GET4: variants seen among roughly 807,000 people sequenced by gnomAD.
GET4 encodes the protein Golgi to ER traffic protein 4 homolog.
A neutral mutation model predicts 40.0 loss-of-function variants in GET4; 20 were observed. The observed-to-expected ratio is 0.50, with a 90% CI of 0.35 to 0.73. The LOEUF is 0.73. GET4 is among the 30% of genes least tolerant of loss of function. GET4 has a pLI of 0.01. For synonymous variants in GET4, 280 were observed against 194.6 expected (o/e 1.44, Z -3.65); for missense variants, 557 against 454.0 (o/e 1.23, Z -2.06).
Position 895,762 on chromosome 7 carries a change from C to CG in GET4, c.*346dup, listed in dbSNP as rs1554268982. Reference sequence around the variant, plus strand: ...ATGGGCAGCACAGGAGGCCCGTCCTCGGGGGGCTGCGCACATCACGCTCCT... The same window carrying CG: ...ATGGGCAGCACAGGAGGCCCGTCCTCGGGGGGGCTGCGCACATCACGCTCCT... On this transcript the variant is annotated 3_prime_UTR_variant, in exon 9 of 9. Transcript: ENST00000265857. 4 of 178,306 alleles carry CG rather than the reference C, an allele frequency of 2.2e-5. No individual in the cohort carries two copies. Among genetic ancestry groups the CG allele is most frequent in the Middle Eastern group, 2.3e-3 (1 of 444 alleles). The allele number at this position is 178,306 out of a possible 1,614,324, so 11.0% of individuals were successfully genotyped here. A position where few individuals can be genotyped will look rare whatever the true frequency, so the allele number is the denominator to read the frequency against.
chr7:887,160 G>A lies in GET4; in HGVS notation c.317-210G>A, dbSNP rs772742103. 2.4e-5 allele frequency: 17 copies of A among 719,486 alleles called. 1 individual carries two copies. Among genetic ancestry groups the A allele is most frequent in the Admixed American group, 1.2e-4 (6 of 50,090 alleles). The allele number at this position is 719,486 out of a possible 1,614,324, so 44.6% of individuals were successfully genotyped here. A position where few individuals can be genotyped will look rare whatever the true frequency, so the allele number is the denominator to read the frequency against. ...AGCCCCCGCCTCGGCCAGGGCGTCC[G>A]TCCTTCCTTCCTCGCTGTGCTCTGG... On this transcript the variant is annotated intron_variant, in intron 3 of 8. Coordinates refer to ENST00000265857, the MANE Select transcript of GET4 (RefSeq NM_015949.3).
At position 890,915 on chromosome 7, in the gene GET4, C is replaced by T. The variant is rs186136603; in HGVS notation, c.467-13C>T. 1.0e-5 allele frequency: 16 copies of T among 1,585,408 alleles called. No individual in the cohort carries two copies. The highest frequency in any genetic ancestry group is 2.2e-5 in the East Asian group (1 of 44,702). ...GTGAAATGTATTTACATTTTTCTGTCTTTCCTTTGCAGAACAAAACTATTG... is the reference window on the plus strand; with the variant it reads ...GTGAAATGTATTTACATTTTTCTGTTTTTCCTTTGCAGAACAAAACTATTG... On this transcript the variant is annotated splice_polypyrimidine_tract_variant and intron_variant, in intron 4 of 8. Transcript: ENST00000265857.
intron 6 of GET4, among the ~76,000 whole-genome samples, chr7:893,422 G>A (rs1241210996): frequency 1.5e-5 from 2 of 134,590 alleles, no homozygotes; most frequent in Non-Finnish European, 3.1e-5. Context: ...GTGTGCAGGT[G>A]AGTGTTGGGT....
chr7:895,431 G>A lies in GET4; in HGVS notation c.*9G>A, dbSNP rs768765598. ...CCATCGAGCTGGACTGAACTGGCCA[G>A]GCCACGTGGAGACACCACGGTCGAC... On this transcript the variant is annotated 3_prime_UTR_variant, in exon 9 of 9. Transcript: ENST00000265857. 86 of 1,476,646 alleles carry A rather than the reference G, an allele frequency of 5.8e-5. No individual in the cohort carries two copies. The highest frequency in any genetic ancestry group is 8.0e-5 in the Non-Finnish European group (85 of 1,059,586). The allele number at this position is 1,476,646 out of a possible 1,614,324, so 91.5% of individuals were successfully genotyped here.
At chr7:882,668 T>A (rs952879510) in intron 1 of GET4, 1 of 152,164 alleles carries the variant, frequency 6.6e-6, no homozygotes, top group Non-Finnish European at 1.5e-5. Flanking sequence ...GCGCGGGTTG[T>A]GGGCGGCCGA....
In GET4 at chr7:896,164, GTGA is replaced by G. The variant is rs1554269067; in HGVS notation, c.*747_*749del. On this transcript the variant is annotated 3_prime_UTR_variant, in exon 9 of 9. Coordinates refer to ENST00000265857, the MANE Select transcript of GET4 (RefSeq NM_015949.3). ...ATAACGCAATATTTATTTGTATTGG[GTGA>G]TGATTGATTCTTTCGACCTAACATT... 6.6e-6 allele frequency: 1 copy of G among 152,210 alleles called. No homozygotes were observed. The highest frequency in any genetic ancestry group is 2.4e-5 in the African/African-American group (1 of 41,424). The allele number at this position is 152,210 out of a possible 1,614,324, so 9.4% of individuals were successfully genotyped here.
intron 1 of GET4, 23 bp downstream of exon 1, chr7:876,823 G>A (rs1409616605): frequency 3.6e-5 from 41 of 1,136,072 alleles, no homozygotes; most frequent in East Asian, 4.5e-5. Context: ...GGCCCTCGCC[G>A]CAGCCCAGCG....
At chr7:891,871 A>C (rs914336610) in intron 5 of GET4, among the ~76,000 whole-genome samples, 1 of 152,230 alleles carries the variant, frequency 6.6e-6, no homozygotes, top group African/African-American at 2.4e-5. Flanking sequence ...TGGGGCACTG[A>C]GCCCTCCCTG....
At chr7:882,232 CT>C (rs1259498110) in intron 1 of GET4, 6 of 152,188 alleles carry the variant, frequency 3.9e-5, no homozygotes, top group Non-Finnish European at 7.3e-5. Context: ...GTTTTTAGTT[CT>C]TTTAAGAATT....
At chr7:886,204 C>T in intron 2 of GET4, 70 bp downstream of exon 2, 14 of 985,908 alleles carry the variant, frequency 1.4e-5, no homozygotes, top group Non-Finnish European at 2.0e-5. Context: ...GAATGACCTC[C>T]CACCTCCACT....
chr7:879,955 G>A (rs1208030023), intron 1 of GET4: 3 of 152,272 alleles, frequency 2.0e-5, no homozygotes, highest in Non-Finnish European at 4.4e-5. Flanking sequence ...CCCGTGGGTA[G>A]AGGGGCCAGC....
intron 8 of GET4, 86 bp downstream of exon 8, chr7:894,057 C>T (rs904463597): frequency 4.0e-6 from 3 of 745,572 alleles, no homozygotes; most frequent in Non-Finnish European, 6.4e-6. Context: ...CCAGTGCGGT[C>T]CTTCACGTGG....
chr7:886,772 T>G (rs1441505005), intron 3 of GET4, 122 bp downstream of exon 3: 1 of 707,000 alleles, frequency 1.4e-6, no homozygotes, highest in Admixed American at 2.2e-5. Flanking sequence ...GGGTGAACTC[T>G]GCTGCAGAGG....
intron 1 of GET4, chr7:882,350 A>T (rs1203698050): frequency 6.6e-6 from 1 of 152,298 alleles, no homozygotes; most frequent in Non-Finnish European, 1.5e-5. Context: ...GTTGAAGGTG[A>T]AGGAGAGGGA....
In GET4 at chr7:876,651, G is replaced by GGCT; in HGVS notation, c.8_9insTGC (p.Ala6dup). 7.9e-7 allele frequency: 1 copy of GGCT among 1,273,606 alleles called. No individual in the cohort carries two copies. Among genetic ancestry groups the GGCT allele is most frequent in the Non-Finnish European group, 1.0e-6 (1 of 1,003,100 alleles). The allele number at this position is 1,273,606 out of a possible 1,614,324, so 78.9% of individuals were successfully genotyped here. A position where few individuals can be genotyped will look rare whatever the true frequency, so the allele number is the denominator to read the frequency against. ...CTGCGCGGAGCGCCGGCCCGATGGC[G>GGCT]GCGGCGGCGGCGATGGCCGAGCAGG... On this transcript the variant is annotated inframe_insertion, in exon 1 of 9. Transcript: ENST00000265857.
chr7:892,217 C>T lies in GET4; in HGVS notation c.606-61C>T. Reference sequence around the variant, plus strand: ...GGGAAGGACATGTCGGAGGCCGGCGCCTGTGCGGGCAGAAGCTGTGTCCTC... The same window carrying T: ...GGGAAGGACATGTCGGAGGCCGGCGTCTGTGCGGGCAGAAGCTGTGTCCTC... On this transcript the variant is annotated intron_variant, in intron 5 of 8. Transcript: ENST00000265857. The T allele has an allele frequency of 4.5e-6, 7 of 1,554,416 alleles. No individual in the cohort carries two copies. In the South Asian group the frequency reaches 4.5e-5, roughly 10 times the overall value.
intron 3 of GET4, 180 bp from the exon 4 acceptor site, chr7:887,190 C>T (rs4722203): frequency 4.2e-5 from 32 of 770,626 alleles, no homozygotes; most frequent in Non-Finnish European, 7.4e-5. Flanking sequence ...CTCTGGGGCA[C>T]ATGGCGCTGG....
At chr7:893,690 TGTG>T in intron 6 of GET4, 47 bp from the exon 7 acceptor site, 1 of 1,230,620 alleles carries the variant, frequency 8.1e-7, no homozygotes, top group Non-Finnish European at 1.2e-6. Context: ...TGCAGGTGAG[TGTG>T]GTCCTGTTCT....
rs1843999633 is a variant in GET4, at chr7:877,925, C to T, written c.155+1125C>T. 3 of 158,776 alleles carry T rather than the reference C, an allele frequency of 1.9e-5. No homozygotes were observed. In the South Asian group the frequency reaches 3.9e-4, roughly 20 times the overall value. The allele number at this position is 158,776 out of a possible 1,614,324, so 9.8% of individuals were successfully genotyped here. A position where few individuals can be genotyped will look rare whatever the true frequency, so the allele number is the denominator to read the frequency against. ...TGCCCCTTGCCTCCCCCACCTTCCC[C>T]CCTGGCCTCCACCTGTTCCGCATTC... On this transcript the variant is annotated intron_variant, in intron 1 of 8. Transcript: ENST00000265857.
Sources: allele counts gnomAD v4.1 joint callset (sites outside exome capture counted in the v4.1 genomes callset), GRCh38; gene constraint gnomAD v4.1.1; transcripts MANE v1.5; gene names NCBI Gene and HGNC (gene_info 2026-07-23, HGNC 2026-07-21).